The following PRKCH variants were observed in gnomAD, a reference collection of about 807,000 sequenced individuals.
PRKCH encodes the protein protein kinase C eta.
PRKCH carries 28 observed loss-of-function variants against 82.5 expected under a neutral mutation model. That is an observed-to-expected ratio of 0.34 (90% CI 0.25 to 0.47). PRKCH has a LOEUF of 0.47. PRKCH is among the 20% of genes least tolerant of loss of function. PRKCH has a pLI of 1.00. For missense variants in PRKCH, 705 were observed against 881.8 expected (o/e 0.80, Z 2.54); for synonymous variants, 322 against 327.4 (o/e 0.98, Z 0.18).
intron 2 of PRKCH, among the ~76,000 whole-genome samples, chr14:61,414,930 T>C (rs1882475338): frequency 6.6e-6 from 1 of 152,194 alleles, no homozygotes; most frequent in African/African-American, 2.4e-5. Flanking sequence ...TCTGTTTCCT[T>C]CCTGGGCTCT....
intron 1 of PRKCH, among the ~76,000 whole-genome samples, chr14:61,252,879 A>C (rs957627257): frequency 1.3e-5 from 2 of 152,144 alleles, no homozygotes; most frequent in Non-Finnish European, 2.9e-5. Context: ...GTATTTCTTC[A>C]TTCTGCAGCC....
At chr14:61,372,930 A>C (rs1018216458) in intron 1 of PRKCH, among the ~76,000 whole-genome samples, 1 of 152,020 alleles carries the variant, frequency 6.6e-6, no homozygotes, top group Non-Finnish European at 1.5e-5. Context: ...ATAGGCCTCA[A>C]CTCATCATTT....
intron 1 of PRKCH, among the ~76,000 whole-genome samples, chr14:61,224,602 C>T (rs772965576): frequency 3.1e-4 from 47 of 152,270 alleles, no homozygotes; most frequent in Non-Finnish European, 5.6e-4. Context: ...ATGATTTTCT[C>T]ATGATGAGAC....
chr14:61,523,162 C>T (rs1163276003), intron 10 of PRKCH, among the ~76,000 whole-genome samples: 1 of 152,200 alleles, frequency 6.6e-6, no homozygotes, highest in Non-Finnish European at 1.5e-5. Flanking sequence ...AAATGATCTG[C>T]ACATTTGACC....
chr14:61,441,710 T>C lies in PRKCH; in HGVS notation c.428-1401T>C, dbSNP rs942060945. On this transcript the variant is annotated intron_variant, in intron 2 of 13. Transcript: ENST00000332981. ...CCTCTTCTCCCTCAGTTTCTTTCTT[T>C]CAATTTTCTGCTTTGTATTTTTTTT... Among the ~76,000 whole-genome samples, 3 of 151,592 alleles carry C rather than the reference T, an allele frequency of 2.0e-5. 1 individual carries two copies. The Middle Eastern group carries it at 0.01, about 516-fold the overall frequency.
At chr14:61,540,046 T>C (rs2043162467) in intron 12 of PRKCH, among the ~76,000 whole-genome samples, 1 of 152,280 alleles carries the variant, frequency 6.6e-6, no homozygotes, top group South Asian at 2.1e-4. Flanking sequence ...GACAGCTCTT[T>C]GAGTATTTGA....
intron 1 of PRKCH, among the ~76,000 whole-genome samples, chr14:61,381,012 G>T (rs528945275): frequency 2.4e-4 from 37 of 152,332 alleles, no homozygotes; most frequent in African/African-American, 7.5e-4. Flanking sequence ...AATATTGCGA[G>T]CCATAAGGAT....
intron 1 of PRKCH, among the ~76,000 whole-genome samples, chr14:61,338,264 A>G (rs1416440868): frequency 6.6e-6 from 1 of 152,220 alleles, no homozygotes; most frequent in Non-Finnish European, 1.5e-5. Flanking sequence ...ATTCCTTATC[A>G]TTCCTTACCA....
chr14:61,375,973 T>C (rs7155998), intron 1 of PRKCH, among the ~76,000 whole-genome samples: 28,071 of 148,056 alleles, frequency 0.19, 5,977 homozygotes, highest in African/African-American at 0.52. Context: ...GCCAAGATCA[T>C]GCCACTGCAC....
intron 9 of PRKCH, among the ~76,000 whole-genome samples, chr14:61,469,605 T>G (rs1366434188): frequency 6.6e-6 from 1 of 152,216 alleles, no homozygotes; most frequent in Non-Finnish European, 1.5e-5. Context: ...TCATACAGTC[T>G]AAAAACCTGA....
chr14:61,267,907 T>C (rs1221716452), intron 1 of PRKCH, among the ~76,000 whole-genome samples: 1 of 152,232 alleles, frequency 6.6e-6, no homozygotes, highest in East Asian at 1.9e-4. Flanking sequence ...CACTTTATCC[T>C]TATTAAAAGG....
Position 61,280,958 on chromosome 14 carries a change from C to G in PRKCH, c.-19+93290C>G, listed in dbSNP as rs761991393. On this transcript the variant is annotated intron_variant, in intron 1 of 3. Coordinates refer to the PRKCH transcript ENST00000555185. This position sits in a 1 kb window ranked among gnomAD's most constrained non-coding sequence, Gnocchi z 5.0. ...CCCGGGTCGCCTGTATAGTCGTACT[C>G]CAGCTCCTTGATGCCGTTGGAGGAG... The G allele has an allele frequency of 6.5e-6, 10 of 1,543,122 alleles. No homozygotes were observed. The highest frequency in any genetic ancestry group is 7.8e-6 in the Non-Finnish European group (9 of 1,147,638).
chr14:61,344,899 C>T (rs2045973094), intron 1 of PRKCH, among the ~76,000 whole-genome samples: 1 of 152,094 alleles, frequency 6.6e-6, no homozygotes, highest in East Asian at 1.9e-4. Flanking sequence ...CCACCCTGAA[C>T]CCCCCAGTTG....
At chr14:61,386,759 G>A (rs1409342184) in intron 1 of PRKCH, among the ~76,000 whole-genome samples, 1 of 152,216 alleles carries the variant, frequency 6.6e-6, no homozygotes, top group Non-Finnish European at 1.5e-5. Context: ...GGGAGGCAGG[G>A]AGGCAGACGG....
At chr14:61,388,053 C>A (rs2046614845) in intron 1 of PRKCH, among the ~76,000 whole-genome samples, 1 of 148,292 alleles carries the variant, frequency 6.7e-6, no homozygotes, top group Admixed American at 6.9e-5. Flanking sequence ...GAGGCTGAGG[C>A]AGGAGAATCA....
At chr14:61,205,988 C>G (rs2044520613) in intron 1 of PRKCH, among the ~76,000 whole-genome samples, 1 of 152,180 alleles carries the variant, frequency 6.6e-6, no homozygotes, top group Non-Finnish European at 1.5e-5. Context: ...GCACTTTTCT[C>G]AGCATCCACT....
chr14:61,529,012 TC>T (rs1307974965), intron 10 of PRKCH, 62 bp from the exon 11 acceptor site: 1 of 532,016 alleles, frequency 1.9e-6, no homozygotes, highest in Non-Finnish European at 2.8e-6. Flanking sequence ...GTGTGCCCAT[TC>T]TGAGAGGTGG....
rs1444969236 is a variant in PRKCH, at chr14:61,549,677, T to C, written c.1906-8T>C. 4 of 1,608,592 alleles carry C rather than the reference T, an allele frequency of 2.5e-6. No homozygotes were observed. The highest frequency in any genetic ancestry group is 3.4e-6 in the Non-Finnish European group (4 of 1,179,132). ...ATCTCACCCTTGTTTCCCTTTTTTT[T>C]TTGGCAGAAATCCCGAGAAGATGTC... On this transcript the variant is annotated splice_region_variant and splice_polypyrimidine_tract_variant and intron_variant, in intron 13 of 13. Transcript: ENST00000332981.
chr14:61,191,134 G>C lies in PRKCH; in HGVS notation c.-19+3466G>C, dbSNP rs553821233. Reference sequence around the variant, plus strand: ...TCAGGACTTGGGTGAATATAATTCTGCACAAAAGAGAGAAAATCTGACTTC... The same window carrying C: ...TCAGGACTTGGGTGAATATAATTCTCCACAAAAGAGAGAAAATCTGACTTC... On this transcript the variant is annotated intron_variant, in intron 1 of 3. Transcript: ENST00000555185. Among the ~76,000 whole-genome samples, 73 of 152,140 alleles carry C rather than the reference G, an allele frequency of 4.8e-4. 1 individual carries two copies. Among genetic ancestry groups the C allele is most frequent in the Non-Finnish European group, 9.0e-4 (61 of 68,026 alleles).
Sources: gnomAD v4.1 joint callset for allele counts (sites outside exome capture counted in the v4.1 genomes callset) on GRCh38, gnomAD v4.1.1 for gene constraint, Gnocchi (gnomAD v3.1) non-coding constraint, MANE v1.5 for transcripts, NCBI Gene and HGNC (gene_info 2026-07-23, HGNC 2026-07-21) for gene names.